Variants in DENND1B observed in about 807,000 individuals in gnomAD.
DENND1B encodes DENN domain-containing protein 1B.
A neutral mutation model predicts 90.1 loss-of-function variants in DENND1B; 59 were observed. The observed-to-expected ratio is 0.65, with a 90% CI of 0.53 to 0.81. DENND1B has a LOEUF of 0.81. Ranked by LOEUF, DENND1B falls within the 40% of genes least tolerant of loss-of-function variation. DENND1B has a pLI of 0.00. For missense variants in DENND1B, 862 were observed against 912.6 expected, an observed-to-expected ratio of 0.94 and a Z score of 0.71; for synonymous variants, 337 against 324.6, an observed-to-expected ratio of 1.04 and a Z score of -0.41.
intron 2 of DENND1B, among the ~76,000 whole-genome samples, chr1:197,771,504 T>C (rs887925231): frequency 7.9e-5 from 12 of 152,256 alleles, no homozygotes; most frequent in East Asian, 1.9e-4. Context: ...TCCTTGCCAA[T>C]AGACAAACCT....
intron 8 of DENND1B, among the ~76,000 whole-genome samples, chr1:197,646,058 T>C (rs1316664234): frequency 6.6e-6 from 1 of 151,904 alleles, no homozygotes; most frequent in African/African-American, 2.4e-5. Context: ...TATATACATA[T>C]ACACGTATGT....
At chr1:197,641,404 C>T (rs1286101971) in intron 10 of DENND1B, among the ~76,000 whole-genome samples, 1 of 152,076 alleles carries the variant, frequency 6.6e-6, no homozygotes, top group Non-Finnish European at 1.5e-5. Flanking sequence ...AACTGAATTT[C>T]TTGACATCTC....
chr1:197,636,138 G>T (rs1679770111), intron 10 of DENND1B, among the ~76,000 whole-genome samples: 1 of 152,000 alleles, frequency 6.6e-6, no homozygotes, highest in African/African-American at 2.4e-5. Flanking sequence ...GTAACCAATA[G>T]ATTTTTTTTA....
At chr1:197,565,297 C>T (rs542800958) in intron 15 of DENND1B, among the ~76,000 whole-genome samples, 1 of 152,042 alleles carries the variant, frequency 6.6e-6, no homozygotes, top group Admixed American at 6.6e-5. Context: ...TTTTATTCAA[C>T]ATCTTATTAT....
At chr1:197,762,603 C>A (rs1181393274) in intron 2 of DENND1B, among the ~76,000 whole-genome samples, 1 of 152,122 alleles carries the variant, frequency 6.6e-6, no homozygotes, top group Non-Finnish European at 1.5e-5. Context: ...TAATACAATA[C>A]AATTTTATTA....
chr1:197,529,203 G>GATATAT (rs71131771), intron 20 of DENND1B, among the ~76,000 whole-genome samples: 111 of 117,300 alleles, frequency 9.5e-4, no homozygotes, highest in African/African-American at 3.7e-3. Context: ...AGTTAAGAGT[G>GATATAT]ATATATATAT....
chr1:197,552,693 T>A (rs1447865128), intron 16 of DENND1B: 2 of 1,070,026 alleles, frequency 1.9e-6, no homozygotes, highest in Admixed American at 5.6e-5. Context: ...CACTAGTAGT[T>A]TTCTAGCAGA....
At chr1:197,673,982 C>T (rs2125987122) in intron 4 of DENND1B, 138 bp downstream of exon 4, 1 of 632,244 alleles carries the variant, frequency 1.6e-6, no homozygotes, top group Non-Finnish European at 2.7e-6. Context: ...TAATTTTCAA[C>T]CTCTTTTCAA....
intron 10 of DENND1B, among the ~76,000 whole-genome samples, chr1:197,641,647 AT>A (rs577092892): frequency 1.3e-5 from 2 of 152,072 alleles, no homozygotes; most frequent in Non-Finnish European, 2.9e-5. Context: ...AATTGTATGT[AT>A]TTTTTTCAAT....
intron 20 of DENND1B, among the ~76,000 whole-genome samples, chr1:197,520,132 C>T (rs965724693): frequency 6.6e-6 from 1 of 151,932 alleles, no homozygotes; most frequent in African/African-American, 2.4e-5. Flanking sequence ...AAAGCTGCTA[C>T]TGCGTATTCC....
intron 3 of DENND1B, among the ~76,000 whole-genome samples, chr1:197,687,241 A>G (rs567562172): frequency 6.6e-6 from 1 of 152,300 alleles, no homozygotes; most frequent in South Asian, 2.1e-4. Context: ...TCTATAAAAT[A>G]AGATAACAAC....
Position 197,645,687 on chromosome 1 carries a change from T to A in DENND1B, c.561+3A>T. The A allele has an allele frequency of 6.5e-7, 1 of 1,531,126 alleles. No individual in the cohort carries two copies. Among genetic ancestry groups the A allele is most frequent in the Non-Finnish European group, 8.8e-7 (1 of 1,137,206 alleles). 94.8% of individuals were successfully genotyped at this position (1,531,126 alleles called of 1,614,324 possible). ...TAATTAAAGTAGAAAATAGGAAACT[T>A]ACACTCTCGGGTATTGTTGGGAGTC... On this transcript the variant is annotated splice_donor_region_variant and intron_variant, in intron 9 of 22. Transcript: ENST00000620048.
intron 3 of DENND1B, among the ~76,000 whole-genome samples, chr1:197,680,258 C>T (rs1248467670): frequency 1.3e-5 from 2 of 152,138 alleles, no homozygotes; most frequent in Non-Finnish European, 2.9e-5. Context: ...GACCATATAA[C>T]GTCCTACCCC....
At chr1:197,702,475 G>C (rs1337677077) in intron 3 of DENND1B, among the ~76,000 whole-genome samples, 2 of 152,112 alleles carry the variant, frequency 1.3e-5, no homozygotes, top group Admixed American at 6.6e-5. Flanking sequence ...CTTTATGTCA[G>C]CAGTGATTAT....
chr1:197,618,463 A>G (rs1677860015), intron 10 of DENND1B, among the ~76,000 whole-genome samples: 1 of 151,230 alleles, frequency 6.6e-6, no homozygotes, highest in Non-Finnish European at 1.5e-5. Context: ...TTATATCACA[A>G]CAGCTGTAAT....
intron 15 of DENND1B, among the ~76,000 whole-genome samples, chr1:197,581,282 A>T (rs1437587390): frequency 6.6e-6 from 1 of 152,194 alleles, no homozygotes; most frequent in East Asian, 1.9e-4. Context: ...AAGAATCATG[A>T]GCATATCAAG....
chr1:197,568,780 G>T (rs1184369812), intron 15 of DENND1B, among the ~76,000 whole-genome samples: 1 of 151,848 alleles, frequency 6.6e-6, no homozygotes, highest in Non-Finnish European at 1.5e-5. Context: ...AATAAAATAG[G>T]GCACTTATCT....
At position 197,510,805 on chromosome 1, in the gene DENND1B, A is replaced by G. The variant is rs1244823592; in HGVS notation, c.1983T>C (p.Phe661=). The change falls in exon 23 of 23, where the codon TTT becomes TTC. Residue 661 remains phenylalanine (F), a synonymous_variant. Transcript: ENST00000620048. ...VSSSGLTDSL[F]ILKEENSNKH... is the part of the protein sequence containing the mutation. The stretch of plus-strand genomic sequence containing the variant: ...TGTTACTGTTTTCCTCTTTCAGGAT[A>G]AACAGAGAATCTGTCAAACCACTAG... The G allele has an allele frequency of 6.2e-7, 1 of 1,612,372 alleles. No homozygotes were observed. Among genetic ancestry groups the G allele is most frequent in the Non-Finnish European group, 8.5e-7 (1 of 1,179,046 alleles).
At chr1:197,610,730 T>C (rs1291919599) in intron 12 of DENND1B, among the ~76,000 whole-genome samples, 8 of 151,022 alleles carry the variant, frequency 5.3e-5, no homozygotes, top group African/African-American at 1.7e-4. Flanking sequence ...TTTTATTTTA[T>C]GTAATTTATC....
Sources: allele counts gnomAD v4.1 joint callset (sites outside exome capture counted in the v4.1 genomes callset), GRCh38; gene constraint gnomAD v4.1.1; transcripts MANE v1.5; gene names NCBI Gene and HGNC (gene_info 2026-07-23, HGNC 2026-07-21).